The following DIP2C variants were observed in gnomAD, a reference collection of about 807,000 sequenced individuals.
The protein encoded by DIP2C is DIP2 acetate--CoA ligase C (putative).
A neutral mutation model predicts 192.4 loss-of-function variants in DIP2C; 33 were observed. The observed-to-expected ratio is 0.17, with a 90% CI of 0.13 to 0.23. DIP2C has a LOEUF of 0.23. Among genes scored for constraint, DIP2C ranks in the 10% least tolerant of loss-of-function variants. The pLI is 1.00. For missense variants in DIP2C, 1,537 were observed against 2,110.1 expected, an observed-to-expected ratio of 0.73 and a Z score of 5.32; for synonymous variants, 979 against 864.1, an observed-to-expected ratio of 1.13 and a Z score of -2.33.
At position 597,637 on chromosome 10, in the gene DIP2C, G is replaced by T. The variant is rs1419090332; in HGVS notation, c.85+91857C>A. ...AGTAAAGATTCCTTCAAACAGAAAT[G>T]AGTTTGTTTCATGATTTGCTCTTAA... On this transcript the variant is annotated intron_variant, in intron 1 of 36. Transcript: ENST00000280886. 3.3e-5 allele frequency among the ~76,000 whole-genome samples: 5 copies of T among 152,112 alleles called. No individual in the cohort carries two copies. The South Asian group carries it at 1.0e-3, about 31-fold the overall frequency.
intron 3 of DIP2C, among the ~76,000 whole-genome samples, chr10:445,203 C>T (rs1451445146): frequency 6.6e-6 from 1 of 152,318 alleles, no homozygotes. Flanking sequence ...TGTGAAGAGT[C>T]TATCTTGCAC....
Position 517,028 on chromosome 10 carries a change from G to A in DIP2C, c.86-30498C>T, listed in dbSNP as rs1224713266. Among the ~76,000 whole-genome samples, 6 of 151,856 alleles carry A rather than the reference G, an allele frequency of 4.0e-5. No homozygotes were observed. In the East Asian group the frequency reaches 1.2e-3, roughly 30 times the overall value. On this transcript the variant is annotated intron_variant, in intron 1 of 36. Transcript: ENST00000280886. ...GCCCATCAGGGGCTTCCTCACTGTG[G>A]GGGTTTTTAAAAGTAGAGCACAGAG... is the stretch of plus-strand genomic sequence containing the variant.
intron 3 of DIP2C, among the ~76,000 whole-genome samples, chr10:454,151 C>T (rs1969086996): frequency 6.6e-6 from 1 of 152,192 alleles, no homozygotes; most frequent in Non-Finnish European, 1.5e-5. Flanking sequence ...GCTGTGGCTG[C>T]TAACAGTTCA....
Position 326,250 on chromosome 10 carries a change from C to T in DIP2C, c.3924+756G>A, listed in dbSNP as rs546100381. On this transcript the variant is annotated intron_variant, in intron 31 of 36. Transcript: ENST00000280886. ...GCAGCTACTTTTTCTGAAGTGATCT[C>T]GGGAAGAGAGGAGGTTCCCTCCTCT... Among the ~76,000 whole-genome samples, 41 of 152,232 alleles carry T rather than the reference C, an allele frequency of 2.7e-4. 1 individual carries two copies. The South Asian group carries it at 6.2e-3, about 23-fold the overall frequency.
intron 31 of DIP2C, chr10:311,463 C>G (rs1221384602): frequency 8.4e-7 from 1 of 1,192,540 alleles, no homozygotes; most frequent in Non-Finnish European, 1.1e-6. Flanking sequence ...CTAGTCTGTC[C>G]CACGGCTGGA....
Position 417,764 on chromosome 10 carries a change from C to CTGCCTGCGCCTGT in DIP2C, c.739+1300_739+1301insACAGGCGCAGGCA, listed in dbSNP as rs1564685273. Among the ~76,000 whole-genome samples, 20 of 123,530 alleles carry CTGCCTGCGCCTGT rather than the reference C, an allele frequency of 1.6e-4. 2 individuals are homozygous for CTGCCTGCGCCTGT. The highest frequency in any genetic ancestry group is 2.7e-4 in the South Asian group (1 of 3,714). The allele number at this position is 123,530 out of a possible 152,430, so 81.0% of individuals were successfully genotyped here. A position where few individuals can be genotyped will look rare whatever the true frequency, so the allele number is the denominator to read the frequency against. ...TCAGGGCTCGGATAGGCATCCCTGT[C>CTGCCTGCGCCTGT]CACCTGCACCTGTCAGGGCTCGGAT... is the stretch of plus-strand genomic sequence containing the variant. On this transcript the variant is annotated intron_variant, in intron 6 of 36. Coordinates refer to ENST00000280886, the MANE Select transcript of DIP2C (RefSeq NM_014974.3).
At chr10:405,509 G>A (rs1315451340) in intron 9 of DIP2C, among the ~76,000 whole-genome samples, 1 of 152,052 alleles carries the variant, frequency 6.6e-6, no homozygotes, top group Non-Finnish European at 1.5e-5. Flanking sequence ...AAATTTTTTT[G>A]CAATTTGTTT....
At chr10:386,995 T>G (rs1158942882) in intron 14 of DIP2C, among the ~76,000 whole-genome samples, 1 of 152,128 alleles carries the variant, frequency 6.6e-6, no homozygotes, top group Non-Finnish European at 1.5e-5. Context: ...GTCGTTTCCC[T>G]ACAACACACA....
At chr10:479,581 G>A (rs552220504) in intron 2 of DIP2C, among the ~76,000 whole-genome samples, 18 of 151,976 alleles carry the variant, frequency 1.2e-4, no homozygotes, top group African/African-American at 3.9e-4. Flanking sequence ...TGATTTGTCC[G>A]CCTCAGCCTC....
Position 422,983 on chromosome 10 carries a change from C to A in DIP2C, c.445G>T (p.Gly149Cys), listed in dbSNP as rs1202940043. 1.5e-5 allele frequency: 24 copies of A among 1,614,076 alleles called. No homozygotes were observed. The highest frequency in any genetic ancestry group is 2.0e-5 in the Non-Finnish European group (24 of 1,180,000). ...DEGSVQGDSQ[G>C]TPTSSQGSIN... ...CTGCCCTGGCTGGAGGTGGGGGTGC[C>A]CTGGGAGTCCCCCTGCACTGAGCCT... Residue 149 changes from glycine (G) to cysteine (C), a missense_variant, in exon 5 of 37, where the codon GGC (glycine) becomes TGC (cysteine). Gly to Cys is a radical substitution (Grantham distance 159). Coordinates refer to ENST00000280886, the MANE Select transcript of DIP2C (RefSeq NM_014974.3).
intron 3 of DIP2C, among the ~76,000 whole-genome samples, chr10:469,198 T>A (rs907321341): frequency 3.9e-5 from 6 of 152,150 alleles, no homozygotes; most frequent in Non-Finnish European, 8.8e-5. Context: ...TCTGTGCAGG[T>A]GCATAACTAG....
chr10:580,324 TTTA>T (rs1282883211), intron 1 of DIP2C, among the ~76,000 whole-genome samples: 1 of 152,144 alleles, frequency 6.6e-6, no homozygotes, highest in Non-Finnish European at 1.5e-5. Flanking sequence ...TATCCACAAG[TTTA>T]TTCAGTGTGC....
chr10:538,403 C>CCT (rs1847808961), intron 1 of DIP2C, among the ~76,000 whole-genome samples: 1 of 152,210 alleles, frequency 6.6e-6, no homozygotes, highest in African/African-American at 2.4e-5. Flanking sequence ...TATCCTTCAG[C>CCT]CTTGGCCTTC....
chr10:440,256 G>A (rs1967621373), intron 4 of DIP2C, among the ~76,000 whole-genome samples: 1 of 152,198 alleles, frequency 6.6e-6, no homozygotes, highest in Admixed American at 6.5e-5. Flanking sequence ...GCACATCTGT[G>A]CACCAAATCT....
intron 28 of DIP2C, among the ~76,000 whole-genome samples, 198 bp downstream of exon 28, chr10:344,611 A>T (rs1036799318): frequency 1.3e-5 from 2 of 152,222 alleles, no homozygotes; most frequent in Non-Finnish European, 2.9e-5. Context: ...TACTTGGGGC[A>T]TTTGGACAGA....
At position 334,304 on chromosome 10, in the gene DIP2C, C is replaced by CAAAAA. The variant is rs35031456; in HGVS notation, c.3585-4708_3585-4704dup. Among the ~76,000 whole-genome samples, 697 of 81,496 alleles carry CAAAAA rather than the reference C, an allele frequency of 8.6e-3. 34 individuals are homozygous for CAAAAA. The highest frequency in any genetic ancestry group is 0.015 in the African/African-American group (288 of 19,318). The allele number at this position is 81,496 out of a possible 152,430, so 53.5% of individuals were successfully genotyped here. A position where few individuals can be genotyped will look rare whatever the true frequency, so the allele number is the denominator to read the frequency against. The stretch of plus-strand genomic sequence containing the variant: ...CCCGGGTGACAGAGCAAGACTGTCT[C>CAAAAA]AAAAAAAAAAAAAAAAAAAAAGAAA... On this transcript the variant is annotated intron_variant, in intron 29 of 36. Coordinates refer to ENST00000280886, the MANE Select transcript of DIP2C (RefSeq NM_014974.3).
intron 8 of DIP2C, among the ~76,000 whole-genome samples, chr10:409,607 T>C (rs1965049700): frequency 6.6e-6 from 1 of 152,228 alleles, no homozygotes; most frequent in Admixed American, 6.5e-5. Context: ...GAAAGTCCTC[T>C]GGGGCCACCG....
At chr10:419,229 G>A (rs576784392) in intron 5 of DIP2C, 30 bp from the exon 6 acceptor site, 26 of 1,613,818 alleles carry the variant, frequency 1.6e-5, no homozygotes, top group Non-Finnish European at 1.9e-5. Flanking sequence ...GAGATTTTCT[G>A]GTGGTTGTGA....
chr10:563,833 G>T (rs968415490), intron 1 of DIP2C, among the ~76,000 whole-genome samples: 17 of 152,200 alleles, frequency 1.1e-4, no homozygotes, highest in African/African-American at 4.1e-4. Flanking sequence ...AGACTACTGG[G>T]CTATACCAAT....
Sources: gnomAD v4.1 joint callset for allele counts (sites outside exome capture counted in the v4.1 genomes callset) on GRCh38, gnomAD v4.1.1 for gene constraint, MANE v1.5 for transcripts, NCBI Gene and HGNC (gene_info 2026-07-23, HGNC 2026-07-21) for gene names.